PDE7B: variants seen among roughly 807,000 people sequenced by gnomAD.
PDE7B encodes phosphodiesterase 7B.
In PDE7B, 29 loss-of-function variants were observed where a neutral mutation model predicts 56.2. The ratio of observed to expected loss-of-function variants is 0.52; its 90% CI spans 0.38 to 0.70. The LOEUF (loss-of-function observed/expected upper bound fraction) is 0.70. Ranked by LOEUF, PDE7B falls within the 30% of genes least tolerant of loss-of-function variation. The pLI is 0.00. For synonymous variants in PDE7B, 197 were observed against 196.9 expected (o/e 1.00, Z 0.00); for missense variants, 490 against 565.0 (o/e 0.87, Z 1.35).
rs570378356 is a variant in PDE7B at position 136,179,147 on chromosome 6, C to A, written c.948+6C>A. ...ACAGGCACTTTATGCTTCAGGTAAACGAAACAATAAAAGCCATTCTTTTTG... is the reference window on the plus strand; with the variant it reads ...ACAGGCACTTTATGCTTCAGGTAAAAGAAACAATAAAAGCCATTCTTTTTG... On this transcript the variant is annotated splice_donor_region_variant and intron_variant, in intron 10 of 12. Transcript: ENST00000308191. The A allele has an allele frequency of 3.6e-5, 58 of 1,612,988 alleles. No individual in the cohort carries two copies. The Middle Eastern group carries it at 4.9e-4, about 14-fold the overall frequency.
At chr6:136,108,602 C>T in intron 2 of PDE7B, 129 bp from the exon 3 acceptor site, 1 of 709,312 alleles carries the variant, frequency 1.4e-6, no homozygotes, top group Non-Finnish European at 2.6e-6. Context: ...ACATAGCACT[C>T]TTCAGTATGG....
intron 2 of PDE7B, among the ~76,000 whole-genome samples, chr6:135,951,798 A>G (rs903987890): frequency 2.6e-5 from 4 of 152,138 alleles, no homozygotes; most frequent in African/African-American, 9.7e-5. Flanking sequence ...GCTGATGAGT[A>G]TCATGACTAT....
Position 135,963,056 on chromosome 6 carries a change from C to G in PDE7B, c.82+15532C>G, listed in dbSNP as rs1774934802. Among the ~76,000 whole-genome samples the G allele has an allele frequency of 2.0e-5, 3 of 152,136 alleles. No homozygotes were observed. In the South Asian group the frequency reaches 6.2e-4, roughly 32 times the overall value. ...TGAGAGCTCATTGCACAAATGATAT[C>G]AAGTAATGTGGAACAAAACACTGTG... is the stretch of plus-strand genomic sequence containing the variant. On this transcript the variant is annotated intron_variant, in intron 2 of 12. Coordinates refer to ENST00000308191, the MANE Select transcript of PDE7B (RefSeq NM_018945.4).
chr6:135,877,394 C>G (rs557650304), intron 1 of PDE7B, among the ~76,000 whole-genome samples: 1 of 145,430 alleles, frequency 6.9e-6, no homozygotes, highest in Non-Finnish European at 1.5e-5. Flanking sequence ...ATATCCTGTA[C>G]CATTCAGATG....
chr6:135,872,086 A>ACCT, intron 1 of PDE7B, among the ~76,000 whole-genome samples: 1 of 152,196 alleles, frequency 6.6e-6, no homozygotes, highest in Non-Finnish European at 1.5e-5. Context: ...ATTTTTCCTA[A>ACCT]CAGATGCCTC....
intron 1 of PDE7B, among the ~76,000 whole-genome samples, chr6:135,918,124 G>T (rs1237318981): frequency 6.6e-6 from 1 of 152,130 alleles, no homozygotes; most frequent in Non-Finnish European, 1.5e-5. Context: ...TTCTCTCTGG[G>T]TGGCTGGTTC....
chr6:135,943,717 A>G (rs1047510142), intron 1 of PDE7B, among the ~76,000 whole-genome samples: 4 of 152,224 alleles, frequency 2.6e-5, no homozygotes, highest in Non-Finnish European at 4.4e-5. Context: ...ACAGATATTT[A>G]GTCTACCTAA....
chr6:136,122,097 G>A (rs1203693438), intron 3 of PDE7B, among the ~76,000 whole-genome samples: 3 of 151,946 alleles, frequency 2.0e-5, no homozygotes, highest in Non-Finnish European at 4.4e-5. Context: ...CCGGGTTCAC[G>A]CCACTCTCCT....
chr6:135,940,079 C>T (rs1439998904), intron 1 of PDE7B, among the ~76,000 whole-genome samples: 1 of 152,068 alleles, frequency 6.6e-6, no homozygotes, highest in Non-Finnish European at 1.5e-5. Flanking sequence ...AATTTTTCTC[C>T]AATCCCCTCT....
intron 2 of PDE7B, among the ~76,000 whole-genome samples, chr6:136,092,489 G>C (rs372342522): frequency 3.9e-5 from 6 of 152,156 alleles, no homozygotes; most frequent in Admixed American, 3.3e-4. Flanking sequence ...GGCCGGGTAC[G>C]ATGGCTCATG....
chr6:135,859,735 T>C (rs571827353), intron 1 of PDE7B, among the ~76,000 whole-genome samples: 21 of 151,900 alleles, frequency 1.4e-4, no homozygotes, highest in African/African-American at 4.3e-4. Flanking sequence ...TTGTATGTAG[T>C]AGTAATACAA....
At chr6:136,131,494 GTT>G (rs1201361799) in intron 3 of PDE7B, among the ~76,000 whole-genome samples, 42 of 84,706 alleles carry the variant, frequency 5.0e-4, no homozygotes, top group African/African-American at 1.8e-3. Context: ...ATCCTGGCAG[GTT>G]TTTTTTTTTT....
intron 1 of PDE7B, among the ~76,000 whole-genome samples, chr6:135,862,240 T>C (rs1353645790): frequency 2.0e-5 from 3 of 151,882 alleles, no homozygotes; most frequent in Non-Finnish European, 4.4e-5. Flanking sequence ...AAAGTTTCCT[T>C]TTATTCCTAG....
chr6:135,855,475 GA>G (rs1038079153), intron 1 of PDE7B, among the ~76,000 whole-genome samples: 50 of 152,118 alleles, frequency 3.3e-4, no homozygotes, highest in African/African-American at 1.2e-3. Context: ...TGGAATTTAA[GA>G]AAAAAATAAA....
At chr6:136,068,277 G>T (rs1776980457) in intron 2 of PDE7B, among the ~76,000 whole-genome samples, 1 of 152,210 alleles carries the variant, frequency 6.6e-6, no homozygotes, top group South Asian at 2.1e-4. Context: ...AACTAGGAGA[G>T]TTGGGGCTGG....
At chr6:136,167,503 T>C (rs1466916934) in intron 8 of PDE7B, among the ~76,000 whole-genome samples, 1 of 152,170 alleles carries the variant, frequency 6.6e-6, no homozygotes, top group East Asian at 1.9e-4. Flanking sequence ...CCATGTAAGA[T>C]GTGACTTGCT....
intron 1 of PDE7B, among the ~76,000 whole-genome samples, chr6:135,882,277 CT>C (rs1775624301): frequency 6.6e-6 from 1 of 152,150 alleles, no homozygotes; most frequent in Admixed American, 6.5e-5. Context: ...AAATTATTTT[CT>C]GTTTCCCTGA....
chr6:135,878,283 T>G (rs1775538615), intron 1 of PDE7B, among the ~76,000 whole-genome samples: 1 of 152,188 alleles, frequency 6.6e-6, no homozygotes, highest in South Asian at 2.1e-4. Context: ...AGTCTTTTTT[T>G]TTAAAATAGT....
At chr6:135,980,961 G>A (rs1355322213) in intron 2 of PDE7B, among the ~76,000 whole-genome samples, 1 of 149,996 alleles carries the variant, frequency 6.7e-6, no homozygotes, top group African/African-American at 2.5e-5. Flanking sequence ...TATAAATCAT[G>A]CTGCTATGAA....
Sources: gnomAD v4.1 joint callset for allele counts (sites outside exome capture counted in the v4.1 genomes callset) on GRCh38, gnomAD v4.1.1 for gene constraint, MANE v1.5 for transcripts, NCBI Gene and HGNC (gene_info 2026-07-23, HGNC 2026-07-21) for gene names.